ARL8B: variants seen among roughly 807,000 people sequenced by gnomAD.
ARL8B encodes ARF like GTPase 8B, also known as ADP-ribosylation factor-like protein 8B.
In ARL8B, 9 loss-of-function variants were observed where a neutral mutation model predicts 30.6. That is an observed-to-expected ratio of 0.29 (90% CI 0.18 to 0.51). ARL8B has a LOEUF of 0.51. Among genes scored for constraint, ARL8B ranks in the 20% least tolerant of loss-of-function variants. The pLI is 0.97. For missense variants in ARL8B, 130 were observed against 227.2 expected, an observed-to-expected ratio of 0.57 and a Z score of 2.75; for synonymous variants, 74 against 76.0, an observed-to-expected ratio of 0.97 and a Z score of 0.14.
In ARL8B at chr3:5,172,232, T is replaced by C; in HGVS notation, c.278+9T>C. On this transcript the variant is annotated intron_variant, in intron 3 of 6. Transcript: ENST00000256496. ...GGAGTCAATGCTATTGTGTAAGTGG[T>C]TTTTTTTTGTTTGTTTGCTTTTAAA... 6.3e-7 allele frequency: 1 copy of C among 1,578,444 alleles called. No homozygotes were observed. The highest frequency in any genetic ancestry group is 8.6e-7 in the Non-Finnish European group (1 of 1,158,948).
intron 1 of ARL8B, among the ~76,000 whole-genome samples, chr3:5,130,311 C>T (rs1360414922): frequency 1.3e-5 from 2 of 151,950 alleles, no homozygotes; most frequent in African/African-American, 2.4e-5. Context: ...AGGCAGGAGC[C>T]ACCACGCCTG....
intron 1 of ARL8B, among the ~76,000 whole-genome samples, chr3:5,137,845 C>T (rs1575561453): frequency 6.6e-6 from 1 of 152,186 alleles, no homozygotes; most frequent in African/African-American, 2.4e-5. Flanking sequence ...ACCTCAGCCT[C>T]CCAAAGTGCT....
At chr3:5,154,130 G>A (rs2054512107) in intron 1 of ARL8B, among the ~76,000 whole-genome samples, 1 of 151,728 alleles carries the variant, frequency 6.6e-6, no homozygotes, top group African/African-American at 2.4e-5. Flanking sequence ...CCTGCTTAGT[G>A]TTTGTTGTAC....
intron 1 of ARL8B, among the ~76,000 whole-genome samples, chr3:5,140,623 C>T (rs80057204): frequency 0.065 from 9,900 of 151,272 alleles, 378 homozygotes; most frequent in East Asian, 0.12. Flanking sequence ...TTGGAGCAGT[C>T]TCCAGATTGC....
intron 1 of ARL8B, among the ~76,000 whole-genome samples, chr3:5,129,399 A>G (rs2106552976): frequency 6.6e-6 from 1 of 152,276 alleles, no homozygotes; most frequent in Admixed American, 6.5e-5. Flanking sequence ...GTCCTCTGGT[A>G]TTTTTTAGGA....
intron 1 of ARL8B, among the ~76,000 whole-genome samples, chr3:5,146,098 G>A (rs548281909): frequency 1.5e-4 from 23 of 152,268 alleles, no homozygotes; most frequent in African/African-American, 5.5e-4. Context: ...AAATAAGTTT[G>A]GGGCTTCCGT....
At chr3:5,160,548 AG>A (rs1399970109) in intron 1 of ARL8B, among the ~76,000 whole-genome samples, 2 of 152,198 alleles carry the variant, frequency 1.3e-5, no homozygotes, top group Non-Finnish European at 2.9e-5. Flanking sequence ...GTCTTTGTAA[AG>A]GAAGTTGCTG....
chr3:5,177,644 T>C (rs1456567050), intron 6 of ARL8B, among the ~76,000 whole-genome samples: 1 of 152,030 alleles, frequency 6.6e-6, no homozygotes, highest in Non-Finnish European at 1.5e-5. Flanking sequence ...TTAGTAGAGA[T>C]GGGGTTTCAC....
chr3:5,125,146 T>G (rs1407823475), intron 1 of ARL8B, among the ~76,000 whole-genome samples: 1 of 152,132 alleles, frequency 6.6e-6, no homozygotes, highest in African/African-American at 2.4e-5. Context: ...TACTTTCCCA[T>G]CTATTAAATG....
Position 5,172,238 on chromosome 3 carries a change from T to G in ARL8B, c.278+15T>G, listed in dbSNP as rs1458867199. ...AATGCTATTGTGTAAGTGGTTTTTT[T>G]TTGTTTGTTTGCTTTTAAATCAATG... On this transcript the variant is annotated intron_variant, in intron 3 of 6. Coordinates refer to ENST00000256496, the MANE Select transcript of ARL8B (RefSeq NM_018184.3). The G allele has an allele frequency of 6.2e-7, 1 of 1,600,876 alleles. No individual in the cohort carries two copies. The highest frequency in any genetic ancestry group is 8.5e-7 in the Non-Finnish European group (1 of 1,173,908).
chr3:5,168,194 C>A (rs1176096552), intron 1 of ARL8B, among the ~76,000 whole-genome samples: 1 of 152,186 alleles, frequency 6.6e-6, no homozygotes, highest in Non-Finnish European at 1.5e-5. Flanking sequence ...CCACCTCAGC[C>A]TCCCTAGTAG....
At chr3:5,141,699 ATTG>A (rs1559278297) in intron 1 of ARL8B, among the ~76,000 whole-genome samples, 2 of 152,042 alleles carry the variant, frequency 1.3e-5, no homozygotes, top group African/African-American at 4.8e-5. Context: ...CTGGGGCAGT[ATTG>A]TTGGGAATGA....
chr3:5,172,768 A>G (rs2054687257), intron 4 of ARL8B, 28 bp downstream of exon 4: 2 of 1,286,652 alleles, frequency 1.6e-6, no homozygotes, highest in Non-Finnish European at 2.2e-6. Flanking sequence ...GTTATTTTAC[A>G]TTGTAATTAT....
At chr3:5,163,622 A>C (rs2054599827) in intron 1 of ARL8B, among the ~76,000 whole-genome samples, 1 of 152,218 alleles carries the variant, frequency 6.6e-6, no homozygotes, top group African/African-American at 2.4e-5. Flanking sequence ...TAACCCCAGC[A>C]CTTTGGGGAG....
At chr3:5,154,966 C>T (rs2054519249) in intron 1 of ARL8B, among the ~76,000 whole-genome samples, 1 of 152,282 alleles carries the variant, frequency 6.6e-6, no homozygotes, top group South Asian at 2.1e-4. Flanking sequence ...AACTCCTGAC[C>T]TCAAGTGATC....
chr3:5,139,839 G>T (rs897924824), intron 1 of ARL8B, among the ~76,000 whole-genome samples: 1 of 152,200 alleles, frequency 6.6e-6, no homozygotes, highest in Non-Finnish European at 1.5e-5. Context: ...GAATGAGTCA[G>T]TTCAATTCCT....
At chr3:5,166,401 G>C (rs2054624989) in intron 1 of ARL8B, among the ~76,000 whole-genome samples, 1 of 144,696 alleles carries the variant, frequency 6.9e-6, no homozygotes, top group Non-Finnish European at 1.5e-5. Context: ...GGAGTGCAGT[G>C]GTGCCATCTC....
intron 6 of ARL8B, among the ~76,000 whole-genome samples, chr3:5,176,377 C>G (rs1195308252): frequency 6.6e-6 from 1 of 152,010 alleles, no homozygotes; most frequent in Non-Finnish European, 1.5e-5. Flanking sequence ...ATTACAGTTG[C>G]CCACTACCAC....
chr3:5,139,968 A>G (rs906426157), intron 1 of ARL8B, among the ~76,000 whole-genome samples: 7 of 150,892 alleles, frequency 4.6e-5, no homozygotes, highest in African/African-American at 7.3e-5. Flanking sequence ...TTCTCACTAC[A>G]CAAGATGTGA....
Sources: gnomAD v4.1 joint callset for allele counts (sites outside exome capture counted in the v4.1 genomes callset) on GRCh38, gnomAD v4.1.1 for gene constraint, MANE v1.5 for transcripts, NCBI Gene and HGNC (gene_info 2026-07-23, HGNC 2026-07-21) for gene names.